ARHGAP39: variants seen among roughly 807,000 people sequenced by gnomAD.
ARHGAP39 encodes rho GTPase-activating protein 39.
In ARHGAP39, 44 loss-of-function variants were observed where a neutral mutation model predicts 106.9. The ratio of observed to expected loss-of-function variants is 0.41; its 90% CI spans 0.32 to 0.53. The LOEUF (loss-of-function observed/expected upper bound fraction) is 0.53. ARHGAP39 is among the 20% of genes least tolerant of loss of function. The pLI is 0.21. For synonymous variants in ARHGAP39, 768 were observed against 693.2 expected (o/e 1.11, Z -1.69); for missense variants, 1,496 against 1,577.3 (o/e 0.95, Z 0.87).
chr8:144,548,366 G>T lies in ARHGAP39; in HGVS notation c.720C>A (p.Val240=). 6.2e-7 allele frequency: 1 copy of T among 1,608,842 alleles called. No individual in the cohort carries two copies. The highest frequency in any genetic ancestry group is 8.5e-7 in the Non-Finnish European group (1 of 1,177,976). ...NGYAPDGPPG[V]RSRRPSGSQH... The stretch of plus-strand genomic sequence containing the variant: ...GGCTGCCGGAGGGTCTGCGGGAGCG[G>T]ACCCCAGGTGGGCCGTCTGGGGCGT... Residue 240 remains valine, a synonymous_variant, in exon 5 of 12, where the codon GTC becomes GTA. Transcript: ENST00000377307. This position sits in a 1 kb window ranked among gnomAD's most constrained non-coding sequence, Gnocchi z 7.4.
At chr8:144,653,395 G>A (rs551133217) in intron 1 of ARHGAP39, among the ~76,000 whole-genome samples, 13 of 152,024 alleles carry the variant, frequency 8.6e-5, no homozygotes, top group Admixed American at 3.9e-4. Context: ...AACAGTAAAA[G>A]GAACAGTCCA....
chr8:144,605,823 C>T, intron 1 of ARHGAP39, 128 bp from the exon 2 acceptor site: 1 of 580,486 alleles, frequency 1.7e-6, no homozygotes, highest in Non-Finnish European at 3.1e-6. Flanking sequence ...CGTGAGCCGC[C>T]CCCGGGCAGC....
At position 144,548,962 on chromosome 8, in the gene ARHGAP39, C is replaced by G. The variant is rs1332827806; in HGVS notation, c.597-473G>C. ...CGGCCCCATTCTCCGACTGGGAGCT[C>G]CTGTGAGCTCCAGAAAGACTGACTG... On this transcript the variant is annotated intron_variant, in intron 4 of 11. Transcript: ENST00000377307. This position sits in a 1 kb window ranked among gnomAD's most constrained non-coding sequence, Gnocchi z 7.4. 2.6e-5 allele frequency among the ~76,000 whole-genome samples: 4 copies of G among 152,214 alleles called. No homozygotes were observed. Among genetic ancestry groups the G allele is most frequent in the African/African-American group, 9.6e-5 (4 of 41,454 alleles).
At position 144,585,983 on chromosome 8, in the gene ARHGAP39, GTTTT is replaced by G; in HGVS notation, c.81-4710_81-4707del. On this transcript the variant is annotated intron_variant, in intron 2 of 11. Coordinates refer to ENST00000377307, the MANE Select transcript of ARHGAP39 (RefSeq NM_025251.3). The surrounding 1 kb of genome is among the most constrained non-coding windows in gnomAD (Gnocchi z 4.6). ...TACCTGACCCCCGTGACTCAGGGTA[GTTTT>G]TTAGTTTTGGAGACAGAGTCTTGCT... is the stretch of plus-strand genomic sequence containing the variant. Among the ~76,000 whole-genome samples, 1 of 152,016 alleles carries G rather than the reference GTTTT, an allele frequency of 6.6e-6. No homozygotes were observed. The highest frequency in any genetic ancestry group is 1.9e-4 in the East Asian group (1 of 5,174).
At chr8:144,600,553 T>C (rs1268955651) in intron 2 of ARHGAP39, among the ~76,000 whole-genome samples, 2 of 149,368 alleles carry the variant, frequency 1.3e-5, no homozygotes, top group Non-Finnish European at 3.0e-5. Flanking sequence ...TACCTGAGTG[T>C]GCGTGTGCGT....
chr8:144,606,410 G>A (rs574684445), intron 1 of ARHGAP39, among the ~76,000 whole-genome samples: 1 of 152,304 alleles, frequency 6.6e-6, no homozygotes, highest in African/African-American at 2.4e-5. Context: ...AAGATCTTTA[G>A]GATGATCCAC....
chr8:144,623,432 C>A (rs1034704907), intron 1 of ARHGAP39, among the ~76,000 whole-genome samples: 2 of 152,198 alleles, frequency 1.3e-5, no homozygotes, highest in Non-Finnish European at 2.9e-5. Flanking sequence ...CCAAACACAT[C>A]TAAAGTATAA....
At chr8:144,549,841 C>T (rs1817629095) in intron 4 of ARHGAP39, among the ~76,000 whole-genome samples, 1 of 152,240 alleles carries the variant, frequency 6.6e-6, no homozygotes, top group South Asian at 2.1e-4. Flanking sequence ...CTTGGCAGCT[C>T]CACACTTCAG....
intron 1 of ARHGAP39, among the ~76,000 whole-genome samples, chr8:144,642,258 G>C (rs1245755762): frequency 6.6e-6 from 1 of 152,170 alleles, no homozygotes; most frequent in Non-Finnish European, 1.5e-5. Flanking sequence ...GGCAGAGGTG[G>C]GTGGATGACC....
intron 4 of ARHGAP39, among the ~76,000 whole-genome samples, chr8:144,551,185 G>C (rs1264513901): frequency 6.6e-6 from 1 of 151,848 alleles, no homozygotes; most frequent in Non-Finnish European, 1.5e-5. Context: ...GCGCCTTTCT[G>C]CTGTCCGTCT....
rs1391358572 is a variant in ARHGAP39, at chr8:144,644,508, TA to T, written c.-81-38814del. ...ATTTACTAAAAACCATGGGATTATA[TA>T]CTTGAAATGAGTGAATTTTTTATAT... On this transcript the variant is annotated intron_variant, in intron 1 of 11. Transcript: ENST00000377307. This position sits in a 1 kb window ranked among gnomAD's most constrained non-coding sequence, Gnocchi z 4.8. Among the ~76,000 whole-genome samples, 1 of 152,210 alleles carries T rather than the reference TA, an allele frequency of 6.6e-6. No homozygotes were observed. Among genetic ancestry groups the T allele is most frequent in the East Asian group, 1.9e-4 (1 of 5,202 alleles).
rs937506991 is a variant in ARHGAP39, at chr8:144,604,215, G to C, written c.80+1320C>G. On this transcript the variant is annotated intron_variant, in intron 2 of 11. Coordinates refer to ENST00000377307, the MANE Select transcript of ARHGAP39 (RefSeq NM_025251.3). This position sits in a 1 kb window ranked among gnomAD's most constrained non-coding sequence, Gnocchi z 4.1. ...CCGGGAGGCAGCAGCTGCACCTCGG[G>C]GGGTGCGGGCGAGGCCTCTGTCGGG... is the stretch of plus-strand genomic sequence containing the variant. 3.3e-5 allele frequency among the ~76,000 whole-genome samples: 5 copies of C among 152,174 alleles called. No homozygotes were observed. Among genetic ancestry groups the C allele is most frequent in the East Asian group, 1.9e-4 (1 of 5,188 alleles).
intron 1 of ARHGAP39, among the ~76,000 whole-genome samples, chr8:144,675,302 G>C (rs1187164469): frequency 6.6e-6 from 1 of 152,100 alleles, no homozygotes; most frequent in African/African-American, 2.4e-5. Context: ...GCATGATCTC[G>C]GCTAACTGCA....
chr8:144,633,636 A>G (rs2130981367), intron 1 of ARHGAP39, among the ~76,000 whole-genome samples: 1 of 152,368 alleles, frequency 6.6e-6, no homozygotes, highest in South Asian at 2.1e-4. Flanking sequence ...ACATTTTCTT[A>G]AAGTGGTCCT....
At chr8:144,593,343 G>A (rs1489442791) in intron 2 of ARHGAP39, among the ~76,000 whole-genome samples, 5 of 152,198 alleles carry the variant, frequency 3.3e-5, no homozygotes, top group Non-Finnish European at 2.9e-5. Context: ...CGGGAAAGGA[G>A]AGTCTCTTCA....
chr8:144,536,657 C>T (rs979469148), intron 7 of ARHGAP39, among the ~76,000 whole-genome samples: 1 of 152,142 alleles, frequency 6.6e-6, no homozygotes, highest in Non-Finnish European at 1.5e-5. Context: ...GGCTGGGTGA[C>T]TCGGGACTGG....
At chr8:144,697,166 A>G in the ARHGAP39 span, among the ~76,000 whole-genome samples, 1 of 152,116 alleles carries the variant, frequency 6.6e-6, no homozygotes, top group Non-Finnish European at 1.5e-5. Flanking sequence ...CTCTACTAAA[A>G]ATACAAGAAA....
rs780491500 is a variant in ARHGAP39, at chr8:144,530,406, T to C, written c.*16A>G. On this transcript the variant is annotated 3_prime_UTR_variant, in exon 12 of 12. Coordinates refer to ENST00000377307, the MANE Select transcript of ARHGAP39 (RefSeq NM_025251.3). ...TGGGGGCGGCAGGACATCCCTCCTG[T>C]CCCCGGGCGCCCCCGCTACAGCACA... is the stretch of plus-strand genomic sequence containing the variant. 3 of 1,580,556 alleles carry C rather than the reference T, an allele frequency of 1.9e-6. No homozygotes were observed. The highest frequency in any genetic ancestry group is 2.6e-6 in the Non-Finnish European group (3 of 1,160,772).
At chr8:144,674,621 A>ACCTGCCCCTTTTCACCCAGGAG (rs933595228) in intron 1 of ARHGAP39, among the ~76,000 whole-genome samples, 2 of 152,046 alleles carry the variant, frequency 1.3e-5, no homozygotes, top group African/African-American at 4.8e-5. Context: ...TTCATCAGGG[A>ACCTGCCCCTTTTCACCCAGGAG]CCTGCCCCTT....
Sources: gnomAD v4.1 joint callset for allele counts (sites outside exome capture counted in the v4.1 genomes callset) on GRCh38, gnomAD v4.1.1 for gene constraint, Gnocchi (gnomAD v3.1) non-coding constraint, MANE v1.5 for transcripts, NCBI Gene and HGNC (gene_info 2026-07-23, HGNC 2026-07-21) for gene names.